CCDC171: variants seen among roughly 807,000 people sequenced by gnomAD.
CCDC171 encodes coiled-coil domain-containing protein 171.
A neutral mutation model predicts 168.2 loss-of-function variants in CCDC171; 177 were observed. That is an observed-to-expected ratio of 1.05 (90% CI 0.93 to 1.19). CCDC171 has a LOEUF of 1.19. Ranked by LOEUF, CCDC171 falls within the 50% of genes most tolerant of loss-of-function variation. The pLI, the probability that CCDC171 is intolerant of heterozygous loss-of-function variation, is 0.00. For synonymous variants in CCDC171, 687 were observed against 540.8 expected, an observed-to-expected ratio of 1.27 and a Z score of -3.75; for missense variants, 1,991 against 1,539.0, an observed-to-expected ratio of 1.29 and a Z score of -4.91.
chr9:15,592,995 G>T (rs1374223001), intron 5 of CCDC171, among the ~76,000 whole-genome samples: 3 of 151,766 alleles, frequency 2.0e-5, no homozygotes, highest in Non-Finnish European at 4.4e-5. Flanking sequence ...TTAGCATTAG[G>T]TATATCTCCT....
chr9:15,593,407 A>AT (rs1398837668), intron 5 of CCDC171, among the ~76,000 whole-genome samples: 2 of 152,148 alleles, frequency 1.3e-5, no homozygotes, highest in Non-Finnish European at 2.9e-5. Context: ...AAAGGAAAGC[A>AT]TTTTTTCAAG....
chr9:15,976,806 A>T (rs544349549), downstream of CCDC171, among the ~76,000 whole-genome samples: 42 of 152,080 alleles, frequency 2.8e-4, no homozygotes, highest in African/African-American at 9.4e-4. Context: ...AATTTTTACA[A>T]TGTACTATGT....
chr9:15,847,199 C>G (rs570352073), intron 22 of CCDC171, among the ~76,000 whole-genome samples: 24 of 152,046 alleles, frequency 1.6e-4, no homozygotes, highest in South Asian at 8.3e-4. Context: ...CTCTTCTGCT[C>G]CACTGTCTCC....
intron 24 of CCDC171, among the ~76,000 whole-genome samples, chr9:15,893,692 C>A (rs1184742096): frequency 1.3e-5 from 2 of 152,152 alleles, no homozygotes; most frequent in Non-Finnish European, 2.9e-5. Context: ...CTCAACATCA[C>A]TGATGATTAG....
intron 21 of CCDC171, among the ~76,000 whole-genome samples, chr9:15,786,182 G>T (rs1363230802): frequency 6.6e-6 from 1 of 151,928 alleles, no homozygotes; most frequent in Non-Finnish European, 1.5e-5. Flanking sequence ...ATTTCAAATG[G>T]CTCAACCTAA....
At chr9:16,077,300 C>T in the CCDC171 span, among the ~76,000 whole-genome samples, 1 of 152,272 alleles carries the variant, frequency 6.6e-6, no homozygotes, top group African/African-American at 2.4e-5. Flanking sequence ...CCATGAGTAA[C>T]TTGAAGAATG....
intron 4 of CCDC171, among the ~76,000 whole-genome samples, chr9:15,584,989 A>G (rs1193662276): frequency 6.6e-6 from 1 of 152,206 alleles, no homozygotes; most frequent in Non-Finnish European, 1.5e-5. Context: ...TAATCAGAGG[A>G]AAAATGCGTA....
chr9:15,699,518 T>G (rs2051509374), intron 11 of CCDC171, among the ~76,000 whole-genome samples: 1 of 152,142 alleles, frequency 6.6e-6, no homozygotes, highest in African/African-American at 2.4e-5. Flanking sequence ...GTGGTCTGTT[T>G]TGACAGGGCA....
chr9:16,087,675 C>T, the CCDC171 span, among the ~76,000 whole-genome samples: 1 of 149,730 alleles, frequency 6.7e-6, no homozygotes, highest in Non-Finnish European at 1.5e-5. Context: ...ATACAGCACA[C>T]TGATGGGTCT....
chr9:15,888,868 G>A (rs1255884315), intron 24 of CCDC171: 4 of 149,280 alleles, frequency 2.7e-5, no homozygotes, highest in Non-Finnish European at 4.4e-5. Flanking sequence ...ATATGTTTTT[G>A]ATTAAAGGGT....
chr9:15,736,911 C>G (rs1223413941), intron 16 of CCDC171, among the ~76,000 whole-genome samples: 10 of 152,122 alleles, frequency 6.6e-5, no homozygotes, highest in African/African-American at 2.4e-4. Flanking sequence ...GTCTTGGCCT[C>G]TCAAAGTGCT....
intron 21 of CCDC171, among the ~76,000 whole-genome samples, chr9:15,836,353 T>G (rs914306566): frequency 6.6e-6 from 1 of 152,092 alleles, no homozygotes; most frequent in Admixed American, 6.5e-5. Flanking sequence ...TCTTGTTTTA[T>G]TTTATTTATT....
chr9:15,926,292 G>A (rs904988214), intron 25 of CCDC171, among the ~76,000 whole-genome samples: 1 of 151,586 alleles, frequency 6.6e-6, no homozygotes, highest in African/African-American at 2.4e-5. Flanking sequence ...AATAGGAAAT[G>A]TATTGTTATT....
chr9:16,029,294 C>A (rs1442987416), intron 6 of CCDC171, among the ~76,000 whole-genome samples: 4 of 124,708 alleles, frequency 3.2e-5, no homozygotes, highest in African/African-American at 1.0e-4. Flanking sequence ...CACAAAAATT[C>A]TGGTTTAGGT....
chr9:15,943,444 T>C (rs1410388150), intron 25 of CCDC171, among the ~76,000 whole-genome samples: 2 of 152,032 alleles, frequency 1.3e-5, no homozygotes, highest in Non-Finnish European at 2.9e-5. Flanking sequence ...GTTATTGATA[T>C]GAAATAATTT....
At position 15,810,448 on chromosome 9, in the gene CCDC171, G is replaced by T. The variant is rs1299701366; in HGVS notation, c.3267+25754G>T. On this transcript the variant is annotated intron_variant, in intron 21 of 25. Coordinates refer to ENST00000380701, the MANE Select transcript of CCDC171 (RefSeq NM_173550.4). ...TGGGACCGGGCGCTGTGGAGCAGGG[G>T]GTGGCGCCTGTCGGGGAGGCTAGGG... 3.3e-5 allele frequency among the ~76,000 whole-genome samples: 5 copies of T among 151,894 alleles called. No homozygotes were observed. The South Asian group carries it at 8.3e-4, about 25-fold the overall frequency.
intron 21 of CCDC171, among the ~76,000 whole-genome samples, chr9:15,803,062 G>C (rs561735123): frequency 1.3e-5 from 2 of 152,270 alleles, no homozygotes; most frequent in African/African-American, 4.8e-5. Flanking sequence ...TTTCTTTTGA[G>C]AAGTGTCTGT....
intron 11 of CCDC171, among the ~76,000 whole-genome samples, chr9:15,700,244 G>C (rs1414720753): frequency 6.6e-6 from 1 of 152,242 alleles, no homozygotes; most frequent in African/African-American, 2.4e-5. Flanking sequence ...GGCTGGCACT[G>C]CTGGGGGACC....
chr9:15,556,455 CA>C (rs1345805649), intron 1 of CCDC171, among the ~76,000 whole-genome samples: 3 of 152,114 alleles, frequency 2.0e-5, no homozygotes, highest in Non-Finnish European at 4.4e-5. Context: ...GATGGTATCT[CA>C]TTGTGGTTTT....
Sources: gnomAD v4.1 joint callset for allele counts (sites outside exome capture counted in the v4.1 genomes callset) on GRCh38, gnomAD v4.1.1 for gene constraint, MANE v1.5 for transcripts, NCBI Gene and HGNC (gene_info 2026-07-23, HGNC 2026-07-21) for gene names.